The following STK33 variants were observed in gnomAD, a reference collection of about 807,000 sequenced individuals.
STK33 encodes the protein serine/threonine-protein kinase 33.
STK33 carries 52 observed loss-of-function variants against 58.0 expected under a neutral mutation model. That is an observed-to-expected ratio of 0.90 (90% CI 0.72 to 1.13). STK33 has a LOEUF of 1.13. Ranked by LOEUF, STK33 falls within the 50% of genes most tolerant of loss-of-function variation. The pLI, the probability that STK33 is intolerant of heterozygous loss-of-function variation, is 0.00. For missense variants in STK33, 630 were observed against 604.2 expected (o/e 1.04, Z -0.45); for synonymous variants, 215 against 200.1 (o/e 1.07, Z -0.63).
intron 1 of STK33, among the ~76,000 whole-genome samples, chr11:8,485,807 C>T (rs1246289026): frequency 6.6e-6 from 1 of 152,138 alleles, no homozygotes; most frequent in African/African-American, 2.4e-5. Context: ...AAGAAAACTA[C>T]AAAACACTAC....
At chr11:8,502,349 A>C (rs1489136408) in intron 1 of STK33, among the ~76,000 whole-genome samples, 1 of 152,066 alleles carries the variant, frequency 6.6e-6, no homozygotes, top group Non-Finnish European at 1.5e-5. Context: ...ACCAGCATCA[A>C]ATCTTTGACA....
At chr11:8,448,560 T>A (rs1362468286) in intron 11 of STK33, among the ~76,000 whole-genome samples, 2 of 152,198 alleles carry the variant, frequency 1.3e-5, no homozygotes, top group Non-Finnish European at 2.9e-5. Context: ...TAAATGGTGC[T>A]GGGAAAACTG....
chr11:8,500,321 TAC>T (rs1951418808), intron 1 of STK33, among the ~76,000 whole-genome samples: 1 of 143,160 alleles, frequency 7.0e-6, no homozygotes, highest in Non-Finnish European at 1.5e-5. Flanking sequence ...AATACATACA[TAC>T]ACAGAAACAC....
chr11:8,386,277 G>A, the STK33 span, among the ~76,000 whole-genome samples: 1 of 152,194 alleles, frequency 6.6e-6, no homozygotes. Flanking sequence ...AGCCTGGTCA[G>A]GGACTGCTAT....
At chr11:8,443,239 A>G (rs1240638750) in intron 11 of STK33, among the ~76,000 whole-genome samples, 1 of 152,228 alleles carries the variant, frequency 6.6e-6, no homozygotes, top group African/African-American at 2.4e-5. Flanking sequence ...CTGAATCACA[A>G]AAATATCACA....
the STK33 span, among the ~76,000 whole-genome samples, chr11:8,364,175 A>G: frequency 6.6e-6 from 1 of 152,216 alleles, no homozygotes; most frequent in Non-Finnish European, 1.5e-5. Context: ...CGTCTTCACT[A>G]AGTTCCTCTG....
the STK33 span, among the ~76,000 whole-genome samples, chr11:8,367,644 T>C: frequency 6.6e-6 from 1 of 152,180 alleles, no homozygotes; most frequent in African/African-American, 2.4e-5. Flanking sequence ...TTGTTCTGAG[T>C]GTGCTACACA....
intron 15 of STK33, among the ~76,000 whole-genome samples, chr11:8,406,060 G>A (rs2135447487): frequency 6.6e-6 from 1 of 150,662 alleles, no homozygotes; most frequent in East Asian, 2.0e-4. Context: ...GGAGAATGGC[G>A]GGAACCTGGG....
chr11:8,431,805 CT>C (rs1193506326), intron 14 of STK33, among the ~76,000 whole-genome samples: 2 of 151,982 alleles, frequency 1.3e-5, no homozygotes, highest in African/African-American at 2.4e-5. Flanking sequence ...TCACGATTTT[CT>C]TTTTTTTCTT....
intron 1 of STK33, among the ~76,000 whole-genome samples, chr11:8,569,885 G>C (rs1165660419): frequency 3.9e-5 from 6 of 152,046 alleles, no homozygotes; most frequent in African/African-American, 1.4e-4. Flanking sequence ...TGAGCCCAAG[G>C]CTACAGTGAG....
At chr11:8,352,478 T>C in the STK33 span, among the ~76,000 whole-genome samples, 2 of 152,122 alleles carry the variant, frequency 1.3e-5, no homozygotes, top group African/African-American at 4.8e-5. Context: ...GGCCAGCATC[T>C]GGAGAGACCA....
intron 1 of STK33, among the ~76,000 whole-genome samples, chr11:8,506,558 G>A (rs377101687): frequency 1.3e-5 from 2 of 152,106 alleles, no homozygotes; most frequent in South Asian, 2.1e-4. Flanking sequence ...AGCTGGGAAA[G>A]GTTCTCCGAT....
At chr11:8,508,993 G>A (rs1185842886) in intron 1 of STK33, among the ~76,000 whole-genome samples, 1 of 151,968 alleles carries the variant, frequency 6.6e-6, no homozygotes, top group African/African-American at 2.4e-5. Flanking sequence ...GCACACACCT[G>A]TAATCCCAGC....
chr11:8,358,754 A>G, the STK33 span, among the ~76,000 whole-genome samples: 4 of 152,240 alleles, frequency 2.6e-5, no homozygotes, highest in South Asian at 4.1e-4. Context: ...AAGAAATAGG[A>G]AGCCATGAAT....
At chr11:8,382,241 C>A in the STK33 span, among the ~76,000 whole-genome samples, 42 of 152,238 alleles carry the variant, frequency 2.8e-4, no homozygotes, top group Non-Finnish European at 4.3e-4. Flanking sequence ...GCCTGGCGCT[C>A]ATCACACTGG....
intron 12 of STK33, among the ~76,000 whole-genome samples, chr11:8,439,190 T>C (rs1944415535): frequency 6.6e-6 from 1 of 152,174 alleles, no homozygotes; most frequent in South Asian, 2.1e-4. Flanking sequence ...TTTAATTCAA[T>C]TTAACAAACA....
chr11:8,397,957 C>A (rs921016886), intron 15 of STK33, among the ~76,000 whole-genome samples: 2 of 152,032 alleles, frequency 1.3e-5, no homozygotes, highest in African/African-American at 4.8e-5. Context: ...AATATGGGAC[C>A]ATGTGAAAAG....
intron 1 of STK33, among the ~76,000 whole-genome samples, chr11:8,493,758 T>C (rs998516973): frequency 6.6e-6 from 1 of 152,206 alleles, no homozygotes; most frequent in Non-Finnish European, 1.5e-5. Context: ...CACGATCAAG[T>C]TGGCTTCATC....
chr11:8,425,399 T>G (rs1942595071), intron 14 of STK33, among the ~76,000 whole-genome samples: 1 of 152,216 alleles, frequency 6.6e-6, no homozygotes. Context: ...CCTTGTAGTA[T>G]AGTTTGAAGT....
Sources: gnomAD v4.1 joint callset for allele counts (sites outside exome capture counted in the v4.1 genomes callset) on GRCh38, gnomAD v4.1.1 for gene constraint, MANE v1.5 for transcripts, NCBI Gene and HGNC (gene_info 2026-07-23, HGNC 2026-07-21) for gene names.